TARDBP: variants seen among roughly 807,000 people sequenced by gnomAD.
TARDBP encodes TAR DNA binding protein.
TARDBP carries 4 observed loss-of-function variants against 38.3 expected under a neutral mutation model. That is an observed-to-expected ratio of 0.10 (90% CI 0.05 to 0.24). TARDBP has a LOEUF of 0.24. Ranked by LOEUF, TARDBP falls within the 10% of genes least tolerant of loss-of-function variation. The pLI, the probability that TARDBP is intolerant of heterozygous loss-of-function variation, is 1.00. For missense variants in TARDBP, 202 were observed against 521.9 expected, an observed-to-expected ratio of 0.39 and a Z score of 5.97; for synonymous variants, 184 against 183.8, an observed-to-expected ratio of 1.00 and a Z score of -0.01.
intron 5 of TARDBP, among the ~76,000 whole-genome samples, chr1:11,021,421 A>G (rs1224647506): frequency 6.7e-6 from 1 of 150,356 alleles, no homozygotes. Flanking sequence ...GATTACAGGC[A>G]TGAGCCACCA....
chr1:11,025,913 A>G (rs778675569), downstream of TARDBP: 3 of 154,838 alleles, frequency 1.9e-5, no homozygotes, highest in Admixed American at 2.0e-4. Flanking sequence ...CTAAGTGTGT[A>G]TTAGGGTTCT....
chr1:11,018,951 TAGAAA>T (rs1557657899), intron 4 of TARDBP, 78 bp downstream of exon 4: 3 of 1,596,868 alleles, frequency 1.9e-6, no homozygotes. Flanking sequence ...TAAACACACT[TAGAAA>T]AGATAGCGGC....
rs538912451 is a variant in TARDBP at position 11,018,985 on chromosome 1, C to A, written c.543+112C>A. The A allele has an allele frequency of 2.0e-3, 3,044 of 1,499,306 alleles. 2 individuals carry two copies. Among genetic ancestry groups the A allele is most frequent in the Non-Finnish European group, 2.4e-3 (2,588 of 1,078,328 alleles). The allele number at this position is 1,499,306 out of a possible 1,614,324, so 92.9% of individuals were successfully genotyped here. A position where few individuals can be genotyped will look rare whatever the true frequency, so the allele number is the denominator to read the frequency against. ...TAGCGGCAGGGTGTGTTCATGAAAT[C>A]CTTTTGTCTTGTTGAAGTCTTTGGC... On this transcript the variant is annotated intron_variant, in intron 4 of 5. Coordinates refer to ENST00000240185, the MANE Select transcript of TARDBP (RefSeq NM_007375.4).
At chr1:11,021,881 C>A (rs146469040) in intron 5 of TARDBP, among the ~76,000 whole-genome samples, 1 of 151,566 alleles carries the variant, frequency 6.6e-6, no homozygotes, top group African/African-American at 2.4e-5. Flanking sequence ...CCTCCCAAAG[C>A]GCTAGGATTA....
Position 11,023,495 on chromosome 1 carries a change from A to G in TARDBP, c.*841A>G. On this transcript the variant is annotated 3_prime_UTR_variant, in exon 6 of 6. Transcript: ENST00000240185. Reference sequence around the variant, plus strand: ...AAAGGCTAGTATGAGCGAGAAAAGGAGAGAGCGCGTGCAGAGACTTGGTGG... The same window carrying G: ...AAAGGCTAGTATGAGCGAGAAAAGGGGAGAGCGCGTGCAGAGACTTGGTGG... The G allele has an allele frequency of 1.8e-6, 1 of 551,430 alleles. No homozygotes were observed. Among genetic ancestry groups the G allele is most frequent in the Non-Finnish European group, 3.2e-6 (1 of 309,594 alleles). 34.2% of individuals were successfully genotyped at this position (551,430 alleles called of 1,614,324 possible).
intron 2 of TARDBP, among the ~76,000 whole-genome samples, chr1:11,014,354 C>T (rs544653735): frequency 5.9e-5 from 9 of 152,118 alleles, no homozygotes; most frequent in African/African-American, 1.9e-4. Context: ...CATTTTTTCC[C>T]TTAAATGAGC....
At chr1:11,021,675 G>C (rs1643641751) in intron 5 of TARDBP, among the ~76,000 whole-genome samples, 1 of 152,160 alleles carries the variant, frequency 6.6e-6, no homozygotes. Flanking sequence ...CTACACCCTA[G>C]AACTCCTGGG....
rs546087173 is a variant in TARDBP at position 11,024,680 on chromosome 1, G to A, written c.*2026G>A. 1.3e-5 allele frequency: 2 copies of A among 152,854 alleles called. No individual in the cohort carries two copies. Among genetic ancestry groups the A allele is most frequent in the South Asian group, 4.2e-4 (2 of 4,818 alleles). The allele number at this position is 152,854 out of a possible 1,614,324, so 9.5% of individuals were successfully genotyped here. On this transcript the variant is annotated 3_prime_UTR_variant, in exon 6 of 6. Transcript: ENST00000240185. ...TCTGTCTGGAAGTGTTAAGTGGAAT[G>A]GGCTTTGTCCTCCAGGAGGTGGGGG...
chr1:11,017,112 T>G, intron 3 of TARDBP, 105 bp downstream of exon 3: 1 of 1,333,660 alleles, frequency 7.5e-7, no homozygotes, highest in South Asian at 1.2e-5. Context: ...TTCCCTAGGT[T>G]CTGGCGTCAA....
In TARDBP at chr1:11,023,094, C is replaced by A. The variant is rs777323104; in HGVS notation, c.*440C>A. Reference sequence around the variant, plus strand: ...TTAAGAAAATCTCCTTTTAGGAGATCATGGTGTCACAGTGTTTGGTTCTTT... The same window carrying A: ...TTAAGAAAATCTCCTTTTAGGAGATAATGGTGTCACAGTGTTTGGTTCTTT... On this transcript the variant is annotated 3_prime_UTR_variant, in exon 6 of 6. Coordinates refer to ENST00000240185, the MANE Select transcript of TARDBP (RefSeq NM_007375.4). 6.0e-6 allele frequency: 9 copies of A among 1,508,688 alleles called. No homozygotes were observed. Among genetic ancestry groups the A allele is most frequent in the South Asian group, 1.3e-5 (1 of 77,702 alleles). The allele number at this position is 1,508,688 out of a possible 1,614,324, so 93.5% of individuals were successfully genotyped here.
rs373319524 is a variant in TARDBP, at chr1:11,022,698, A to G, written c.*44A>G. 97 of 1,584,568 alleles carry G rather than the reference A, an allele frequency of 6.1e-5. 1 individual carries two copies. In the Middle Eastern group the frequency reaches 2.3e-3, roughly 38 times the overall value. The stretch of plus-strand genomic sequence containing the variant: ...GTTGGTATAGAATGGTGGGAATTCA[A>G]ATTTTTCTAAACTCATGGTAAGTAT... On this transcript the variant is annotated 3_prime_UTR_variant, in exon 6 of 6. Coordinates refer to ENST00000240185, the MANE Select transcript of TARDBP (RefSeq NM_007375.4). The surrounding 1 kb of genome is among the most constrained non-coding windows in gnomAD (Gnocchi z 4.5).
intron 2 of TARDBP, chr1:11,015,454 T>C (rs9430338): frequency 0.82 from 124,581 of 151,832 alleles, 51,182 homozygotes; most frequent in East Asian, 0.86. Flanking sequence ...CACTGCTCTC[T>C]GGCCTGGCAG....
intron 1 of TARDBP, 119 bp from the exon 2 acceptor site, chr1:11,013,597 C>CGAATCCA: frequency 1.2e-6 from 1 of 831,676 alleles, no homozygotes; most frequent in East Asian, 2.7e-5. Flanking sequence ...AATGCATATA[C>CGAATCCA]GAATCCAGAC....
At chr1:11,013,108 C>G (rs1416166253) in intron 1 of TARDBP, among the ~76,000 whole-genome samples, 1 of 152,254 alleles carries the variant, frequency 6.6e-6, no homozygotes, top group Non-Finnish European at 1.5e-5. Context: ...GGCTGGCACG[C>G]GCGGGCTTCT....
rs1166205900 is a variant in TARDBP, at chr1:11,016,953, C to T, written c.348C>T (p.Thr116=). 3.7e-6 allele frequency: 6 copies of T among 1,614,142 alleles called. No homozygotes were observed. The highest frequency in any genetic ancestry group is 1.6e-4 in the Middle Eastern group (1 of 6,062). The change falls in exon 3 of 6, where the codon ACC becomes ACT. Residue 116 remains threonine, a synonymous_variant. Transcript: ENST00000240185. ...TGTTGGGTCTCCCATGGAAAACAAC[C>T]GAACAGGACCTGAAAGAGTATTTTA... ...LIVLGLPWKT[T]EQDLKEYFST...
chr1:11,027,008 CCT>C (rs760383936), downstream of TARDBP: 134 of 1,599,448 alleles, frequency 8.4e-5, no homozygotes, highest in African/African-American at 2.3e-4. Flanking sequence ...CCACAAACCA[CCT>C]CTCTGTTTCA....
At chr1:11,027,301 T>C (rs137957386), downstream of TARDBP, 1 of 1,613,990 alleles carries the variant, frequency 6.2e-7, no homozygotes, top group South Asian at 1.1e-5. Context: ...CAAATAGGCG[T>C]GATGTTGCTA....
rs1479024092 is a variant in TARDBP, at chr1:11,023,781, C to T, written c.*1127C>T. 6.5e-6 allele frequency: 1 copy of T among 154,164 alleles called. No individual in the cohort carries two copies. The highest frequency in any genetic ancestry group is 1.4e-5 in the Non-Finnish European group (1 of 69,088). The allele number at this position is 154,164 out of a possible 1,614,324, so 9.5% of individuals were successfully genotyped here. On this transcript the variant is annotated 3_prime_UTR_variant, in exon 6 of 6. Coordinates refer to ENST00000240185, the MANE Select transcript of TARDBP (RefSeq NM_007375.4). ...GTGAATGCTGTATGGTGTGTGTTCT[C>T]TTCTGTTACTGATATGTAAGTGTGG...
At chr1:11,028,724 T>G (rs191751373), downstream of TARDBP, among the ~76,000 whole-genome samples, 7,904 of 150,120 alleles carry the variant, frequency 0.053, 327 homozygotes, top group Admixed American at 0.082. Context: ...TTTTTTTTTT[T>G]TTTTTTTGAG....
Sources: gnomAD v4.1 joint callset for allele counts (sites outside exome capture counted in the v4.1 genomes callset) on GRCh38, gnomAD v4.1.1 for gene constraint, Gnocchi (gnomAD v3.1) non-coding constraint, MANE v1.5 for transcripts, NCBI Gene and HGNC (gene_info 2026-07-23, HGNC 2026-07-21) for gene names.